Variants in USHBP1 observed in about 807,000 individuals in gnomAD.
USHBP1 encodes the protein harmonin-binding protein USHBP1.
USHBP1 carries 67 observed loss-of-function variants against 76.2 expected under a neutral mutation model. The ratio of observed to expected loss-of-function variants is 0.88; its 90% CI spans 0.72 to 1.08. The LOEUF (loss-of-function observed/expected upper bound fraction) is 1.08, where lower values mean the gene tolerates loss of function less well. USHBP1 is among the 50% of genes least tolerant of loss of function. The pLI, the probability that USHBP1 is intolerant of heterozygous loss-of-function variation, is 0.00. For missense variants in USHBP1, 931 were observed against 915.0 expected, an observed-to-expected ratio of 1.02 and a Z score of -0.23; for synonymous variants, 322 against 362.2, an observed-to-expected ratio of 0.89 and a Z score of 1.26.
chr19:17,264,316 G>C lies in USHBP1; in HGVS notation c.-17C>G. ...GGCACTCATTGCTGTCCAGAAGCCAGTGCCCTCTGAATGCTTCTCCTTCGT... is the reference window on the plus strand; with the variant it reads ...GGCACTCATTGCTGTCCAGAAGCCACTGCCCTCTGAATGCTTCTCCTTCGT... On this transcript the variant is annotated 5_prime_UTR_variant, in exon 2 of 13. Transcript: ENST00000252597. 1 of 1,606,998 alleles carries C rather than the reference G, an allele frequency of 6.2e-7. No homozygotes were observed. Among genetic ancestry groups the C allele is most frequent in the Non-Finnish European group, 8.5e-7 (1 of 1,177,540 alleles).
intron 12 of USHBP1, among the ~76,000 whole-genome samples, chr19:17,251,311 G>A (rs564491410): frequency 3.1e-4 from 47 of 150,822 alleles, no homozygotes; most frequent in Non-Finnish European, 5.9e-4. Context: ...TTACAGGCAC[G>A]TGCAAAGACG....
intron 9 of USHBP1, 21 bp downstream of exon 9, chr19:17,256,448 CAG>C (rs1245356636): frequency 6.2e-7 from 1 of 1,611,720 alleles, no homozygotes; most frequent in Non-Finnish European, 8.5e-7. Flanking sequence ...AAGACTGACA[CAG>C]TGGCCACAGC....
At position 17,262,540 on chromosome 19, in the gene USHBP1, G is replaced by A. The variant is rs1362146477; in HGVS notation, c.642+12C>T. 1.3e-6 allele frequency: 2 copies of A among 1,592,686 alleles called. No homozygotes were observed. Among genetic ancestry groups the A allele is most frequent in the South Asian group, 2.2e-5 (2 of 89,748 alleles). ...CAGAGAGCCACATGGGACTCAGGAT[G>A]GCCCCACTCACCTCTTTCTGCAGCG... is the stretch of plus-strand genomic sequence containing the variant. On this transcript the variant is annotated intron_variant, in intron 4 of 12. Coordinates refer to ENST00000252597, the MANE Select transcript of USHBP1 (RefSeq NM_031941.4).
chr19:17,264,597 G>A, intron 1 of USHBP1, 74 bp downstream of exon 1: 1 of 445,300 alleles, frequency 2.2e-6, no homozygotes, highest in Non-Finnish European at 4.0e-6. Flanking sequence ...TCCTCTATTT[G>A]AGCCTGGGAA....
In USHBP1 at chr19:17,259,996, C is replaced by T. The variant is rs755851261; in HGVS notation, c.669G>A (p.Leu223=). The T allele has an allele frequency of 1.2e-6, 2 of 1,613,768 alleles. No homozygotes were observed. Among genetic ancestry groups the T allele is most frequent in the South Asian group, 1.1e-5 (1 of 91,080 alleles). Residue 223 remains leucine, a synonymous_variant, in exon 5 of 13, where the codon TTG becomes TTA. Transcript: ENST00000252597. ...KEVQELQDSL[L]RLEPCPHLSH... ...AAAGATGTGGGCAGGGCTCCAGCCT[C>T]AAGAGGGAATCCTGCAGCTCTTGAA...
At chr19:17,252,368 G>GT (rs991650648) in intron 10 of USHBP1, among the ~76,000 whole-genome samples, 1 of 151,804 alleles carries the variant, frequency 6.6e-6, no homozygotes, top group Non-Finnish European at 1.5e-5. Context: ...GCTACTTTTC[G>GT]TATTTTTAGT....
Position 17,258,368 on chromosome 19 carries a change from GC to G in USHBP1, c.1063del (p.Ala355HisfsTer21). The G allele has an allele frequency of 6.2e-7, 1 of 1,613,684 alleles. No homozygotes were observed. Among genetic ancestry groups the G allele is most frequent in the African/African-American group, 1.3e-5 (1 of 75,032 alleles). On this transcript the variant is annotated frameshift_variant, in exon 8 of 13. Coordinates refer to ENST00000252597, the MANE Select transcript of USHBP1 (RefSeq NM_031941.4). LOFTEE classifies it high-confidence loss of function. ...CCGCAGAGCAAGCAGAACCCTGTAT[GC>G]CTCTTCACAGTGTTCACTGTGGGAC... is the stretch of plus-strand genomic sequence containing the variant. ...ALQYSEHCEE[A>X]YRVLLALREA...
chr19:17,255,469 T>C lies in USHBP1; in HGVS notation c.1608A>G (p.Ala536=), dbSNP rs4430871. ...LLLEQLRWER[A]ELQAGGANSS... ...TGTTTGCCCCACCAGCCTGGAGCTC[T>C]GCCCGTTCCCACCGCAGCTGCTCCA... Residue 536 remains alanine (A), a synonymous_variant, in exon 10 of 13, where the codon GCA becomes GCG. Coordinates refer to ENST00000252597, the MANE Select transcript of USHBP1 (RefSeq NM_031941.4). 0.63 allele frequency: 1,023,886 copies of C among 1,613,884 alleles called. 330,493 individuals are homozygous for C. Among genetic ancestry groups the C allele is most frequent in the African/African-American group, 0.93 (69,782 of 75,016 alleles).
chr19:17,255,301 C>A lies in USHBP1; in HGVS notation c.1692+84G>T, dbSNP rs13347096. On this transcript the variant is annotated intron_variant, in intron 10 of 12. Coordinates refer to ENST00000252597, the MANE Select transcript of USHBP1 (RefSeq NM_031941.4). ...GAGCCAAACTCCGTCTCAAAAAAAA[C>A]AAAAAAAAAAAGGCTGTGATTGACA... 1.7e-4 allele frequency: 212 copies of A among 1,226,142 alleles called. No individual in the cohort carries two copies. The Middle Eastern group carries it at 4.4e-3, about 25-fold the overall frequency. The allele number at this position is 1,226,142 out of a possible 1,614,324, so 76.0% of individuals were successfully genotyped here.
chr19:17,250,445 C>T (rs1038377381), intron 12 of USHBP1, 31 bp from the exon 13 acceptor site: 3 of 1,600,816 alleles, frequency 1.9e-6, no homozygotes, highest in Admixed American at 1.8e-5. Context: ...GGTCAGGAAA[C>T]AGCCCCCGAG....
rs2073528987 is a variant in USHBP1, at chr19:17,249,931, G to A, written c.*294C>T. ...TCAGCTGTGGCTATGCAACCTCACGGACCCCCGAAATGCGTCAGTCCCAGG... is the reference window on the plus strand; with the variant it reads ...TCAGCTGTGGCTATGCAACCTCACGAACCCCCGAAATGCGTCAGTCCCAGG... On this transcript the variant is annotated 3_prime_UTR_variant, in exon 13 of 13. Coordinates refer to ENST00000252597, the MANE Select transcript of USHBP1 (RefSeq NM_031941.4). 2 of 391,650 alleles carry A rather than the reference G, an allele frequency of 5.1e-6. No individual in the cohort carries two copies. The highest frequency in any genetic ancestry group is 7.0e-4 in the Middle Eastern group (1 of 1,424). 24.3% of individuals were successfully genotyped at this position (391,650 alleles called of 1,614,324 possible). A position where few individuals can be genotyped will look rare whatever the true frequency, so the allele number is the denominator to read the frequency against.
chr19:17,263,786 G>A (rs1177158728), intron 3 of USHBP1: 5 of 546,520 alleles, frequency 9.1e-6, no homozygotes, highest in Admixed American at 3.8e-5. Flanking sequence ...GCTCCCGCTT[G>A]AACCGGGAGG....
chr19:17,264,389 T>TTTGTCCA, intron 1 of USHBP1, 42 bp from the exon 2 acceptor site: 2 of 1,424,738 alleles, frequency 1.4e-6, no homozygotes, highest in Non-Finnish European at 9.4e-7. Context: ...TTTGTTGTCC[T>TTTGTCCA]GGACAAAGGA....
At chr19:17,251,737 C>T (rs1388431786) in intron 11 of USHBP1, 33 bp from the exon 12 acceptor site, 3 of 1,609,268 alleles carry the variant, frequency 1.9e-6, no homozygotes, top group Admixed American at 1.7e-5. Context: ...GGGCTCACAG[C>T]CCCAGCCGAT....
chr19:17,263,744 C>A, intron 3 of USHBP1: 1 of 413,786 alleles, frequency 2.4e-6, no homozygotes, highest in Non-Finnish European at 4.3e-6. Flanking sequence ...TGGTGGCGCA[C>A]ACCTGTAATC....
intron 7 of USHBP1, 86 bp from the exon 8 acceptor site, chr19:17,258,471 GGCT>G: frequency 6.8e-7 from 1 of 1,462,728 alleles, no homozygotes; most frequent in Non-Finnish European, 9.2e-7. Flanking sequence ...CACTTTGGGA[GGCT>G]GAGGCGGGAG....
intron 4 of USHBP1, among the ~76,000 whole-genome samples, chr19:17,260,635 A>G (rs1477580035): frequency 2.6e-5 from 4 of 152,154 alleles, no homozygotes; most frequent in African/African-American, 9.7e-5. Flanking sequence ...CAGCAGCCAC[A>G]TGGCTTTAAA....
At chr19:17,259,854 G>T in intron 5 of USHBP1, 43 bp downstream of exon 5, 1 of 1,598,826 alleles carries the variant, frequency 6.3e-7, no homozygotes, top group Non-Finnish European at 8.6e-7. Flanking sequence ...TCCCCTGAAG[G>T]CTAAGGACAT....
chr19:17,259,767 G>T (rs773327501), intron 5 of USHBP1, 35 bp from the exon 6 acceptor site: 11 of 1,586,206 alleles, frequency 6.9e-6, no homozygotes, highest in African/African-American at 1.4e-5. Flanking sequence ...GACCCCAATT[G>T]TCACCAAGAG....
Sources: gnomAD v4.1 joint callset for allele counts (sites outside exome capture counted in the v4.1 genomes callset) on GRCh38, gnomAD v4.1.1 for gene constraint, MANE v1.5 for transcripts, NCBI Gene and HGNC (gene_info 2026-07-23, HGNC 2026-07-21) for gene names.